Variants in FBLN2 observed in about 807,000 individuals in gnomAD.
FBLN2 encodes the protein fibulin 2, also known as fibulin-2.
Under a neutral mutation model 123.7 loss-of-function variants are expected in FBLN2, and 81 were observed. The observed-to-expected ratio is 0.65, with a 90% CI of 0.55 to 0.79. The LOEUF is 0.79. FBLN2 is among the 30% of genes least tolerant of loss of function. FBLN2 has a pLI of 0.00. For missense variants in FBLN2, 1,603 were observed against 1,681.3 expected (o/e 0.95, Z 0.81); for synonymous variants, 699 against 701.4 (o/e 1.00, Z 0.05).
At chr3:13,587,264 G>A (rs929389082) in intron 2 of FBLN2, among the ~76,000 whole-genome samples, 6 of 151,904 alleles carry the variant, frequency 3.9e-5, no homozygotes, top group South Asian at 2.1e-4. Context: ...TTTAAGGTAA[G>A]CGTTATTACA....
chr3:13,630,006 G>A (rs955048662), intron 14 of FBLN2, 61 bp downstream of exon 14: 32 of 1,591,746 alleles, frequency 2.0e-5, no homozygotes, highest in African/African-American at 6.7e-5. Context: ...CAGACCCGCC[G>A]TGGAAGGCCC....
chr3:13,606,610 A>G (rs1705211401), intron 2 of FBLN2, among the ~76,000 whole-genome samples: 1 of 152,354 alleles, frequency 6.6e-6, no homozygotes, highest in East Asian at 1.9e-4. Context: ...TGATAGCACA[A>G]ATAGTCAATT....
chr3:13,583,087 C>G (rs931168114), intron 2 of FBLN2, among the ~76,000 whole-genome samples: 1 of 152,250 alleles, frequency 6.6e-6, no homozygotes, highest in African/African-American at 2.4e-5. Context: ...TCAGCAAACG[C>G]GCGAGCTGCG....
chr3:13,586,218 T>C (rs1160059618), intron 2 of FBLN2, among the ~76,000 whole-genome samples: 2 of 152,208 alleles, frequency 1.3e-5, no homozygotes, highest in Non-Finnish European at 2.9e-5. Context: ...GGATTCTCGC[T>C]CTGTCCCCTA....
At chr3:13,571,771 G>T in intron 2 of FBLN2, 110 bp downstream of exon 2, 2 of 1,275,144 alleles carry the variant, frequency 1.6e-6, no homozygotes, top group Admixed American at 3.1e-5. Context: ...GGACTGTGGG[G>T]CCAGGCCTAG....
At chr3:13,554,547 T>C (rs138798575) in intron 1 of FBLN2, among the ~76,000 whole-genome samples, 26 of 151,460 alleles carry the variant, frequency 1.7e-4, no homozygotes, top group Non-Finnish European at 2.8e-4. Context: ...CTGTCTCTTG[T>C]CTGTCTCTGA....
At chr3:13,637,320 G>A (rs1020856764) in intron 17 of FBLN2, among the ~76,000 whole-genome samples, 2 of 152,220 alleles carry the variant, frequency 1.3e-5, no homozygotes, top group African/African-American at 2.4e-5. Flanking sequence ...AGCTGTTAAC[G>A]AGCCTGGCCA....
At chr3:13,617,842 A>C (rs1705687810) in intron 5 of FBLN2, among the ~76,000 whole-genome samples, 1 of 131,830 alleles carries the variant, frequency 7.6e-6, no homozygotes, top group East Asian at 2.5e-4. Context: ...CCATCTACCC[A>C]TCCATCTATA....
rs112991940 is a variant in FBLN2 at position 13,629,421 on chromosome 3, C to T, written c.2842+129C>T. On this transcript the variant is annotated intron_variant, in intron 13 of 17. Transcript: ENST00000404922. Reference sequence around the variant, plus strand: ...GCCCACCTGCTGGAGTCCACAAGGTCGCCTTCCAGCTGGCCTCATCCTCCT... The same window carrying T: ...GCCCACCTGCTGGAGTCCACAAGGTTGCCTTCCAGCTGGCCTCATCCTCCT... 1.7e-3 allele frequency: 2,130 copies of T among 1,288,466 alleles called. 3 individuals carry two copies. Among genetic ancestry groups the T allele is most frequent in the Middle Eastern group, 5.2e-3 (19 of 3,622 alleles). The allele number at this position is 1,288,466 out of a possible 1,614,324, so 79.8% of individuals were successfully genotyped here. A position where few individuals can be genotyped will look rare whatever the true frequency, so the allele number is the denominator to read the frequency against.
At chr3:13,596,080 G>A (rs1272313479) in intron 2 of FBLN2, among the ~76,000 whole-genome samples, 1 of 152,232 alleles carries the variant, frequency 6.6e-6, no homozygotes, top group Non-Finnish European at 1.5e-5. Context: ...ATTCTTTCAT[G>A]TAAGTGCATG....
At chr3:13,607,889 C>A (rs549599230) in intron 2 of FBLN2, among the ~76,000 whole-genome samples, 173 bp from the exon 3 acceptor site, 60 of 152,274 alleles carry the variant, frequency 3.9e-4, no homozygotes, top group African/African-American at 1.3e-3. Flanking sequence ...GACTCCACCT[C>A]GCAGACAGTT....
intron 2 of FBLN2, among the ~76,000 whole-genome samples, chr3:13,588,445 C>T (rs111423143): frequency 3.5e-4 from 53 of 152,356 alleles, no homozygotes; most frequent in African/African-American, 9.6e-4. Flanking sequence ...GGCGGAGGCA[C>T]GGGGCGTTTG....
rs777725436 is a variant in FBLN2 at position 13,629,270 on chromosome 3, T to G, written c.2820T>G (p.Asp940Glu). 6.2e-7 allele frequency: 1 copy of G among 1,611,740 alleles called. No homozygotes were observed. The highest frequency in any genetic ancestry group is 2.2e-5 in the East Asian group (1 of 44,810). Residue 940 changes from aspartate to glutamate, a missense_variant, in exon 13 of 18, where the codon GAT becomes GAG. Transcript: ENST00000404922. ...ACTGCAAAGCCGGCTTTCAGCGGGA[T>G]GCCTTTGGCCGGGGCTGCATCGGTA... ...RCDCKAGFQRDAFGRGCIDVN... is the reference protein window; with the variant it reads ...RCDCKAGFQREAFGRGCIDVN...
At chr3:13,625,786 C>T (rs560606739) in intron 9 of FBLN2, among the ~76,000 whole-genome samples, 3 of 151,634 alleles carry the variant, frequency 2.0e-5, no homozygotes, top group South Asian at 4.2e-4. Flanking sequence ...ATCCTTGCTC[C>T]AAATAAATAA....
Position 13,622,333 on chromosome 3 carries a change from A to T in FBLN2, c.2296+418A>T, listed in dbSNP as rs549229459. On this transcript the variant is annotated intron_variant, in intron 9 of 17. Coordinates refer to ENST00000404922, the MANE Select transcript of FBLN2 (RefSeq NM_001004019.2). ...GTCTTCCCCCAGCTGTGGTTTTCTCATCTGTAGTAAGGAGGCTGTTGATCC... is the reference window on the plus strand; with the variant it reads ...GTCTTCCCCCAGCTGTGGTTTTCTCTTCTGTAGTAAGGAGGCTGTTGATCC... Among the ~76,000 whole-genome samples the T allele has an allele frequency of 1.4e-4, 22 of 152,254 alleles. No individual in the cohort carries two copies. The South Asian group carries it at 3.1e-3, about 22-fold the overall frequency.
At chr3:13,581,215 T>TG (rs1181664158) in intron 2 of FBLN2, among the ~76,000 whole-genome samples, 7 of 14,520 alleles carry the variant, frequency 4.8e-4, no homozygotes, top group East Asian at 2.6e-3. Flanking sequence ...GGGCGGCAGG[T>TG]GGGGGGTGGG....
At position 13,619,779 on chromosome 3, in the gene FBLN2, A is replaced by G; in HGVS notation, c.2103A>G (p.Ile701Met). 1 of 1,613,040 alleles carries G rather than the reference A, an allele frequency of 6.2e-7. No individual in the cohort carries two copies. Among genetic ancestry groups the G allele is most frequent in the Non-Finnish European group, 8.5e-7 (1 of 1,179,456 alleles). Residue 701 changes from isoleucine to methionine, a missense_variant, in exon 8 of 18, where the codon ATA becomes ATG. By Grantham distance (10) the Ile-to-Met change is conservative. Coordinates refer to ENST00000404922, the MANE Select transcript of FBLN2 (RefSeq NM_001004019.2). Reference protein sequence around the residue: ...QVCSTVGGSAICSCFPGYAIM... With the variant: ...QVCSTVGGSAMCSCFPGYAIM... ...GCAGCACTGTTGGGGGCTCAGCCAT[A>G]TGCTCCTGTTTTCCCGGCTATGCCA...
intron 6 of FBLN2, 51 bp from the exon 7 acceptor site, chr3:13,618,853 C>A (rs1304786869): frequency 1.4e-6 from 2 of 1,418,068 alleles, no homozygotes; most frequent in Non-Finnish European, 9.8e-7. Context: ...TGAGGCCTGG[C>A]TGAAGACCTG....
At chr3:13,594,826 C>T (rs763893132) in intron 2 of FBLN2, among the ~76,000 whole-genome samples, 21 of 152,196 alleles carry the variant, frequency 1.4e-4, no homozygotes, top group Non-Finnish European at 2.9e-4. Context: ...CAGCTGAGAG[C>T]CTGCTGTGAG....
Sources: allele counts gnomAD v4.1 joint callset (sites outside exome capture counted in the v4.1 genomes callset), GRCh38; gene constraint gnomAD v4.1.1; transcripts MANE v1.5; gene names NCBI Gene and HGNC (gene_info 2026-07-23, HGNC 2026-07-21).